Variants in TBC1D12 observed in about 807,000 individuals in gnomAD.
TBC1D12 encodes TBC1 domain family member 12, also known as TBC1 domain family, member 12.
In TBC1D12, 56 loss-of-function variants were observed where a neutral mutation model predicts 86.7. That is an observed-to-expected ratio of 0.65 (90% CI 0.52 to 0.81). TBC1D12 has a LOEUF of 0.81. Among genes scored for constraint, TBC1D12 ranks in the 30% least tolerant of loss-of-function variants. The probability of loss-of-function intolerance (pLI) is 0.00; values close to 1 mark genes in which losing one functional copy is unlikely to be tolerated. For synonymous variants in TBC1D12, 421 were observed against 411.7 expected (o/e 1.02, Z -0.27); for missense variants, 1,023 against 1,038.8 (o/e 0.98, Z 0.21).
chr10:94,441,825 A>G, intron 1 of TBC1D12, 71 bp from the exon 2 acceptor site: 1 of 1,504,336 alleles, frequency 6.6e-7, no homozygotes, highest in South Asian at 1.3e-5. Flanking sequence ...GAACAAACTT[A>G]TTATAAAATT....
At chr10:94,447,744 G>A (rs2055490822) in intron 2 of TBC1D12, 7 of 938,088 alleles carry the variant, frequency 7.5e-6, no homozygotes, top group Non-Finnish European at 7.6e-6. Context: ...GTTGACCTGA[G>A]TTTTTTGTTT....
intron 1 of TBC1D12, among the ~76,000 whole-genome samples, chr10:94,434,573 G>A (rs201227386): frequency 1.3e-5 from 2 of 151,660 alleles, no homozygotes; most frequent in East Asian, 3.9e-4. Flanking sequence ...TTACTAGGGA[G>A]TCCTGACTGG....
rs543557842 is a variant in TBC1D12, at chr10:94,517,235, G to C, written c.1762-4720G>C. Among the ~76,000 whole-genome samples, 10 of 152,152 alleles carry C rather than the reference G, an allele frequency of 6.6e-5. No individual in the cohort carries two copies. In the East Asian group the frequency reaches 1.9e-3, roughly 30 times the overall value. ...TCTACTAAAAATACAAAAATTACAT[G>C]GGTGTGGAGGCGCATGCCTGTAATC... On this transcript the variant is annotated intron_variant, in intron 9 of 12. Coordinates refer to ENST00000225235, the MANE Select transcript of TBC1D12 (RefSeq NM_015188.2).
Position 94,510,090 on chromosome 10 carries a change from G to A in TBC1D12, c.1601-1G>A. ...AAATTGTATCTGCTTGGTAAATGCA[G>A]GTGTATCTGTTGCTGATCGAGAGGC... is the stretch of plus-strand genomic sequence containing the variant. On this transcript the variant is annotated splice_acceptor_variant, in intron 7 of 12. Transcript: ENST00000225235. LOFTEE classifies it high-confidence loss of function. 1 of 1,604,696 alleles carries A rather than the reference G, an allele frequency of 6.2e-7. No individual in the cohort carries two copies. The highest frequency in any genetic ancestry group is 8.5e-7 in the Non-Finnish European group (1 of 1,176,790).
intron 1 of TBC1D12, among the ~76,000 whole-genome samples, chr10:94,421,447 C>T (rs1203676597): frequency 6.6e-6 from 1 of 152,126 alleles, no homozygotes; most frequent in Non-Finnish European, 1.5e-5. Flanking sequence ...TGGGTTGTTT[C>T]CATATCTTGA....
intron 1 of TBC1D12, among the ~76,000 whole-genome samples, chr10:94,406,931 C>T (rs1165899336): frequency 2.6e-5 from 4 of 152,148 alleles, no homozygotes; most frequent in Non-Finnish European, 5.9e-5. Flanking sequence ...CAGTCTACAA[C>T]CTTTGTTCAC....
chr10:94,437,024 G>T (rs1431553977), intron 1 of TBC1D12, among the ~76,000 whole-genome samples: 1 of 151,836 alleles, frequency 6.6e-6, no homozygotes, highest in African/African-American at 2.4e-5. Flanking sequence ...ATTCTTGAAG[G>T]ATAGTTTTGT....
chr10:94,431,913 A>AC (rs1200156701), intron 1 of TBC1D12, among the ~76,000 whole-genome samples: 19 of 152,146 alleles, frequency 1.2e-4, no homozygotes, highest in Admixed American at 1.2e-3. Flanking sequence ...TCCCTTCAAC[A>AC]CGAACAACAT....
chr10:94,500,341 G>A lies in TBC1D12; in HGVS notation c.1519+14G>A, dbSNP rs373025010. ...ATATCACTCCTGGTTTGTATTCTACGTTCAGTTATTCCCACATGTACAAAT... is the reference window on the plus strand; with the variant it reads ...ATATCACTCCTGGTTTGTATTCTACATTCAGTTATTCCCACATGTACAAAT... On this transcript the variant is annotated intron_variant, in intron 6 of 12. Transcript: ENST00000225235. 2,418 of 1,604,810 alleles carry A rather than the reference G, an allele frequency of 1.5e-3. 9 individuals carry two copies. Among genetic ancestry groups the A allele is most frequent in the South Asian group, 2.3e-3 (208 of 89,898 alleles).
rs76089746 is a variant in TBC1D12, at chr10:94,510,608, C to T, written c.1689+429C>T. Among the ~76,000 whole-genome samples, 1,165 of 152,202 alleles carry T rather than the reference C, an allele frequency of 7.7e-3. 16 individuals are homozygous for T. The highest frequency in any genetic ancestry group is 0.027 in the African/African-American group (1,113 of 41,546). On this transcript the variant is annotated intron_variant, in intron 8 of 12. Coordinates refer to ENST00000225235, the MANE Select transcript of TBC1D12 (RefSeq NM_015188.2). ...ATAGGCTATTATGAAGTTGCTTATA[C>T]CTTATGAAAAGAGAAATGACTACAT...
At chr10:94,514,002 G>A (rs573961191) in intron 9 of TBC1D12, among the ~76,000 whole-genome samples, 3 of 148,986 alleles carry the variant, frequency 2.0e-5, no homozygotes, top group South Asian at 4.2e-4. Context: ...ACAGAACTCA[G>A]TTATTAGTTG....
chr10:94,470,878 T>C (rs1002666058), intron 2 of TBC1D12, among the ~76,000 whole-genome samples: 2 of 152,088 alleles, frequency 1.3e-5, no homozygotes, highest in African/African-American at 4.8e-5. Context: ...TTTTTATTAT[T>C]ATTACTCTAG....
At chr10:94,489,453 A>G (rs1010894685) in intron 3 of TBC1D12, among the ~76,000 whole-genome samples, 2 of 152,176 alleles carry the variant, frequency 1.3e-5, no homozygotes, top group African/African-American at 4.8e-5. Context: ...TTTCAGCGAT[A>G]TGAAGTTAAA....
In TBC1D12 at chr10:94,534,278, C is replaced by T. The variant is rs543260174; in HGVS notation, c.*1182C>T. The T allele has an allele frequency of 1.3e-5, 2 of 152,222 alleles. No homozygotes were observed. Among genetic ancestry groups the T allele is most frequent in the Middle Eastern group, 3.4e-3 (1 of 294 alleles). The allele number at this position is 152,222 out of a possible 1,614,324, so 9.4% of individuals were successfully genotyped here. On this transcript the variant is annotated 3_prime_UTR_variant, in exon 13 of 13. Coordinates refer to ENST00000225235, the MANE Select transcript of TBC1D12 (RefSeq NM_015188.2). Reference sequence around the variant, plus strand: ...ACACTAAATGCTGCCTATAACCCATCCTCATCTTCTTTACTCATCATTGCT... The same window carrying T: ...ACACTAAATGCTGCCTATAACCCATTCTCATCTTCTTTACTCATCATTGCT...
intron 3 of TBC1D12, among the ~76,000 whole-genome samples, chr10:94,480,415 C>A (rs974576477): frequency 3.3e-5 from 5 of 152,186 alleles, no homozygotes; most frequent in Non-Finnish European, 5.9e-5. Context: ...TTATATAGAT[C>A]AAGTAAGAAT....
At chr10:94,509,953 A>T (rs1307975875) in intron 7 of TBC1D12, 138 bp from the exon 8 acceptor site, 2 of 630,576 alleles carry the variant, frequency 3.2e-6, no homozygotes, top group African/African-American at 3.9e-5. Context: ...AACAAAAGCT[A>T]TGTGACATTT....
Position 94,402,959 on chromosome 10 carries a change from A to G in TBC1D12, c.346A>G (p.Lys116Glu). The change falls in exon 1 of 13, where the codon AAA (lysine) becomes GAA (glutamate). Residue 116 changes from lysine (K) to glutamate (E), a missense_variant. Physicochemically the swap from Lys to Glu is moderately conservative, Grantham distance 56. Coordinates refer to ENST00000225235, the MANE Select transcript of TBC1D12 (RefSeq NM_015188.2). ...CGCCTGCCTGCTGGGCTCGGGCTCC[A>G]AACACCGCGGCGCGGAGGTGGCTGA... is the stretch of plus-strand genomic sequence containing the variant. ...SDACLLGSGSKHRGAEVADGR... is the reference protein window; with the variant it reads ...SDACLLGSGSEHRGAEVADGR... The G allele has an allele frequency of 6.4e-7, 1 of 1,573,326 alleles. No homozygotes were observed. The highest frequency in any genetic ancestry group is 8.6e-7 in the Non-Finnish European group (1 of 1,164,628).
At position 94,403,095 on chromosome 10, in the gene TBC1D12, G is replaced by C; in HGVS notation, c.482G>C (p.Arg161Pro). The change falls in exon 1 of 13, where the codon CGG becomes CCG. Residue 161 changes from arginine to proline, a missense_variant. Arg to Pro is a moderately radical substitution (Grantham distance 103). Coordinates refer to ENST00000225235, the MANE Select transcript of TBC1D12 (RefSeq NM_015188.2). ...CGCGGGCTGGCGCGCGCCGGCGGCC[G>C]GGAGTCGCGCCGCCGCCGCCCCTAC... ...EARGLARAGG[R>P]ESRRRRPYGR... 7.1e-7 allele frequency: 1 copy of C among 1,408,002 alleles called. No individual in the cohort carries two copies. The highest frequency in any genetic ancestry group is 9.2e-7 in the Non-Finnish European group (1 of 1,085,642). The allele number at this position is 1,408,002 out of a possible 1,614,324, so 87.2% of individuals were successfully genotyped here.
intron 1 of TBC1D12, among the ~76,000 whole-genome samples, chr10:94,417,327 G>C (rs1292194065): frequency 6.6e-6 from 1 of 152,192 alleles, no homozygotes; most frequent in Admixed American, 6.5e-5. Flanking sequence ...ATCTCTGCAA[G>C]AAGGGGTGGT....
Sources: allele counts gnomAD v4.1 joint callset (sites outside exome capture counted in the v4.1 genomes callset), GRCh38; gene constraint gnomAD v4.1.1; transcripts MANE v1.5; gene names NCBI Gene and HGNC (gene_info 2026-07-23, HGNC 2026-07-21).